ADGRV1: variants seen among roughly 807,000 people sequenced by gnomAD.
ADGRV1 encodes G-protein coupled receptor 98.
Under a neutral mutation model 596.2 loss-of-function variants are expected in ADGRV1, and 359 were observed. The observed-to-expected ratio is 0.60, with a 90% confidence interval of 0.55 to 0.66. ADGRV1 has a LOEUF of 0.66. ADGRV1 is among the 30% of genes least tolerant of loss of function. The probability of loss-of-function intolerance (pLI) is 0.00; values close to 1 mark genes in which losing one functional copy is unlikely to be tolerated. For missense variants in ADGRV1, 7,274 were observed against 7,575.6 expected (o/e 0.96, Z 1.48); for synonymous variants, 2,681 against 2,679.2 (o/e 1.00, Z -0.02).
At chr5:90,746,329 T>C (rs1754624832) in intron 52 of ADGRV1, among the ~76,000 whole-genome samples, 1 of 152,054 alleles carries the variant, frequency 6.6e-6, no homozygotes, top group South Asian at 2.1e-4. Flanking sequence ...ACCATGCAAA[T>C]CCTAAGTTAC....
intron 58 of ADGRV1, among the ~76,000 whole-genome samples, chr5:90,762,303 A>G (rs563178952): frequency 6.6e-6 from 1 of 152,308 alleles, no homozygotes; most frequent in South Asian, 2.1e-4. Flanking sequence ...ATATATGTAT[A>G]TATCTGGCCC....
intron 86 of ADGRV1, among the ~76,000 whole-genome samples, chr5:91,074,322 C>T (rs1036947382): frequency 6.6e-6 from 1 of 152,102 alleles, no homozygotes; most frequent in African/African-American, 2.4e-5. Flanking sequence ...TCCTCACCCT[C>T]CTCTTTCCCT....
intron 58 of ADGRV1, among the ~76,000 whole-genome samples, chr5:90,761,023 A>G (rs1007776598): frequency 5.9e-5 from 9 of 152,180 alleles, no homozygotes; most frequent in African/African-American, 2.2e-4. Flanking sequence ...CCGGCCCCAT[A>G]TGTCACCATT....
intron 85 of ADGRV1, among the ~76,000 whole-genome samples, chr5:91,012,958 G>T (rs1562088894): frequency 6.6e-6 from 1 of 151,838 alleles, no homozygotes; most frequent in Admixed American, 6.6e-5. Context: ...CCAATTTATA[G>T]GTGAGAATAT....
At chr5:90,591,005 A>G (rs1299505362) in intron 1 of ADGRV1, among the ~76,000 whole-genome samples, 2 of 152,166 alleles carry the variant, frequency 1.3e-5, no homozygotes, top group Non-Finnish European at 2.9e-5. Flanking sequence ...TATGGGTTAC[A>G]TGAGATTTTT....
chr5:90,612,242 G>A (rs1404932878), intron 1 of ADGRV1, among the ~76,000 whole-genome samples: 1 of 152,050 alleles, frequency 6.6e-6, no homozygotes. Context: ...GTAGTCAAGA[G>A]AGCTGTAGTG....
chr5:90,744,325 A>G (rs1267310729), intron 50 of ADGRV1, among the ~76,000 whole-genome samples: 1 of 152,180 alleles, frequency 6.6e-6, no homozygotes, highest in Admixed American at 6.5e-5. Context: ...TAACATTTCA[A>G]AAACATTGGA....
At chr5:90,922,142 C>T (rs1342495467) in intron 83 of ADGRV1, among the ~76,000 whole-genome samples, 3 of 152,216 alleles carry the variant, frequency 2.0e-5, no homozygotes, top group Non-Finnish European at 4.4e-5. Context: ...CTTCCAGGGC[C>T]TTTCCTTCTT....
chr5:90,841,612 A>G (rs996628291), intron 78 of ADGRV1, among the ~76,000 whole-genome samples: 2 of 152,172 alleles, frequency 1.3e-5, no homozygotes, highest in Non-Finnish European at 2.9e-5. Flanking sequence ...ATAAATTTTG[A>G]AAGATATCTA....
At chr5:90,706,095 A>G in intron 37 of ADGRV1, 136 bp from the exon 38 acceptor site, 1 of 641,772 alleles carries the variant, frequency 1.6e-6, no homozygotes, top group South Asian at 2.5e-5. Flanking sequence ...GATTATGGAT[A>G]TAGGAAGGGG....
chr5:90,992,185 TAA>T (rs1416115863), intron 85 of ADGRV1, among the ~76,000 whole-genome samples: 2 of 152,262 alleles, frequency 1.3e-5, no homozygotes, highest in African/African-American at 2.4e-5. Flanking sequence ...CTTGCTTTAA[TAA>T]AGTTTCCCAC....
chr5:90,778,700 T>C, intron 63 of ADGRV1, 91 bp downstream of exon 63: 1 of 1,148,210 alleles, frequency 8.7e-7, no homozygotes, highest in Non-Finnish European at 1.2e-6. Context: ...TTTCATAAAC[T>C]GATTAATTTG....
chr5:90,690,893 T>G lies in ADGRV1; in HGVS notation c.6803T>G (p.Val2268Gly). The G allele has an allele frequency of 6.2e-7, 1 of 1,613,744 alleles. No homozygotes were observed. Among genetic ancestry groups the G allele is most frequent in the Non-Finnish European group, 8.5e-7 (1 of 1,179,750 alleles). Residue 2268 changes from valine (V) to glycine (G), a missense_variant, in exon 31 of 90, where the codon GTT (valine) becomes GGT (glycine). By Grantham distance (109) the Val-to-Gly change is moderately radical. Coordinates refer to ENST00000405460, the MANE Select transcript of ADGRV1 (RefSeq NM_032119.4). ...CGAAATTCTGGGACACTCGGCAATG[T>G]TACTGTTCAGTGGGTTGCCACCATT... ...IIRNSGTLGN[V>G]TVQWVATING...
chr5:91,103,891 G>A (rs757176490), intron 87 of ADGRV1, among the ~76,000 whole-genome samples: 2 of 152,040 alleles, frequency 1.3e-5, no homozygotes, highest in Admixed American at 6.6e-5. Flanking sequence ...GACTAATCTC[G>A]CCTAGATTAA....
chr5:90,721,531 AAAAATAAAATAAAATAAAATAAAAT>A (rs369937781), intron 45 of ADGRV1, among the ~76,000 whole-genome samples: 1 of 82,642 alleles, frequency 1.2e-5, no homozygotes, highest in Non-Finnish European at 2.6e-5. Flanking sequence ...AAATAAAAAT[AAAAATAAAATAAAATAAAATAAAAT>A]AAAATAAAAT....
intron 84 of ADGRV1, among the ~76,000 whole-genome samples, chr5:90,981,533 G>A (rs775182097): frequency 6.6e-6 from 1 of 152,008 alleles, no homozygotes; most frequent in Non-Finnish European, 1.5e-5. Context: ...AGCTGTGCAC[G>A]TTGGCTTAAT....
chr5:90,791,658 C>T (rs540630100), intron 70 of ADGRV1: 131 of 259,108 alleles, frequency 5.1e-4, no homozygotes, highest in Middle Eastern at 4.0e-3. Context: ...TGTATGCACA[C>T]GCACACACAC....
chr5:90,965,649 A>G, intron 84 of ADGRV1, 118 bp downstream of exon 84: 1 of 553,372 alleles, frequency 1.8e-6, no homozygotes, highest in Admixed American at 3.2e-5. Context: ...CCATCACTGC[A>G]TTCTCAGGAT....
intron 9 of ADGRV1, 114 bp downstream of exon 9, chr5:90,629,653 G>A (rs924984356): frequency 1.3e-6 from 1 of 787,888 alleles, no homozygotes; most frequent in Non-Finnish European, 2.0e-6. Context: ...TCATTTATAT[G>A]TTGTTACTAA....
Sources: allele counts gnomAD v4.1 joint callset (sites outside exome capture counted in the v4.1 genomes callset), GRCh38; gene constraint gnomAD v4.1.1; transcripts MANE v1.5; gene names NCBI Gene and HGNC (gene_info 2026-07-23, HGNC 2026-07-21).